KCNQ5: variants seen among roughly 807,000 people sequenced by gnomAD.
KCNQ5 encodes the protein potassium voltage-gated channel subfamily Q member 5, also known as potassium voltage-gated channel subfamily KQT member 5.
Under a neutral mutation model 98.2 loss-of-function variants are expected in KCNQ5, and 30 were observed. That is an observed-to-expected ratio of 0.31 (90% CI 0.23 to 0.41). The LOEUF is 0.41. KCNQ5 is among the 10% of genes least tolerant of loss of function. The pLI, the probability that KCNQ5 is intolerant of heterozygous loss-of-function variation, is 1.00. For synonymous variants in KCNQ5, 458 were observed against 449.4 expected, an observed-to-expected ratio of 1.02 and a Z score of -0.24; for missense variants, 835 against 1,182.5, an observed-to-expected ratio of 0.71 and a Z score of 4.31.
intron 2 of KCNQ5, among the ~76,000 whole-genome samples, chr6:73,036,169 G>A (rs1016707038): frequency 7.2e-5 from 11 of 151,868 alleles, no homozygotes; most frequent in African/African-American, 2.7e-4. Flanking sequence ...GGCAGATCAC[G>A]AGGTCAGGAG....
chr6:73,152,180 G>A (rs1028052319), intron 10 of KCNQ5, among the ~76,000 whole-genome samples: 2 of 151,314 alleles, frequency 1.3e-5, no homozygotes, highest in Non-Finnish European at 2.9e-5. Flanking sequence ...GAAATAGTTC[G>A]TATCCATTCT....
chr6:72,892,994 C>G (rs1006327082), intron 1 of KCNQ5, among the ~76,000 whole-genome samples: 1 of 152,096 alleles, frequency 6.6e-6, no homozygotes, highest in Non-Finnish European at 1.5e-5. Context: ...GGGGAAGAGG[C>G]GGCCATGTTC....
chr6:72,880,209 C>A (rs1778584290), intron 1 of KCNQ5, among the ~76,000 whole-genome samples: 1 of 152,148 alleles, frequency 6.6e-6, no homozygotes, highest in Non-Finnish European at 1.5e-5. Context: ...AATAATATAA[C>A]TAGGTGGCTT....
At chr6:72,834,163 G>T (rs1776405729) in intron 1 of KCNQ5, among the ~76,000 whole-genome samples, 3 of 151,968 alleles carry the variant, frequency 2.0e-5, no homozygotes, top group African/African-American at 7.2e-5. Context: ...AATTTTGGGG[G>T]TGGATACATG....
chr6:72,695,360 G>A (rs964099801), intron 1 of KCNQ5, among the ~76,000 whole-genome samples: 1 of 151,932 alleles, frequency 6.6e-6, no homozygotes, highest in Admixed American at 6.6e-5. Flanking sequence ...GATTTTTTAA[G>A]CTTACTGAAA....
At chr6:72,787,004 CAAAAAAAAAAAAAA>C (rs1045803750) in intron 1 of KCNQ5, among the ~76,000 whole-genome samples, 1 of 50,438 alleles carries the variant, frequency 2.0e-5, no homozygotes, top group Non-Finnish European at 4.5e-5. Context: ...GACTCTGTCT[CAAAAAAAAAAAAAA>C]AAAAAAAAAA....
At chr6:72,738,084 G>A (rs928482055) in intron 1 of KCNQ5, among the ~76,000 whole-genome samples, 8 of 152,168 alleles carry the variant, frequency 5.3e-5, no homozygotes, top group African/African-American at 1.9e-4. Context: ...GAACCCACGA[G>A]GTGGAGCCTG....
chr6:72,986,050 G>A (rs1209580933), intron 1 of KCNQ5, among the ~76,000 whole-genome samples: 1 of 152,128 alleles, frequency 6.6e-6, no homozygotes. Flanking sequence ...CCAACATGGT[G>A]AAAGCCCGTC....
intron 1 of KCNQ5, among the ~76,000 whole-genome samples, chr6:72,933,547 T>C (rs1183445640): frequency 6.6e-6 from 1 of 152,206 alleles, no homozygotes; most frequent in African/African-American, 2.4e-5. Context: ...TAATGATCTG[T>C]CATCTGTCAC....
intron 1 of KCNQ5, among the ~76,000 whole-genome samples, chr6:72,779,237 G>A (rs1773324744): frequency 6.6e-6 from 1 of 152,186 alleles, no homozygotes; most frequent in South Asian, 2.1e-4. Flanking sequence ...GCATTATGAG[G>A]CAGAGTCCTG....
intron 1 of KCNQ5, among the ~76,000 whole-genome samples, chr6:72,743,749 C>T (rs74602053): frequency 0.042 from 6,378 of 152,226 alleles, 417 homozygotes; most frequent in African/African-American, 0.14. Flanking sequence ...TTCTCTTTGA[C>T]GAACTGCGGA....
At chr6:72,645,260 G>A (rs1765534684) in intron 1 of KCNQ5, among the ~76,000 whole-genome samples, 1 of 150,458 alleles carries the variant, frequency 6.6e-6, no homozygotes, top group Non-Finnish European at 1.5e-5. Context: ...GTGGGTGCAT[G>A]CCCTAGTCCT....
intron 1 of KCNQ5, among the ~76,000 whole-genome samples, chr6:72,982,461 A>G (rs781431623): frequency 7.4e-5 from 9 of 121,098 alleles, no homozygotes; most frequent in Non-Finnish European, 1.2e-4. Flanking sequence ...AGTCTGTTTT[A>G]TCAGAGACTA....
At chr6:72,944,694 A>G (rs961617135) in intron 1 of KCNQ5, among the ~76,000 whole-genome samples, 1 of 152,164 alleles carries the variant, frequency 6.6e-6, no homozygotes, top group African/African-American at 2.4e-5. Context: ...GGCTTAAGAA[A>G]ACTGCTTCAG....
At chr6:73,061,853 G>T (rs767750239) in intron 3 of KCNQ5, among the ~76,000 whole-genome samples, 3 of 152,130 alleles carry the variant, frequency 2.0e-5, no homozygotes, top group Non-Finnish European at 4.4e-5. Flanking sequence ...AATCATAAAA[G>T]TGATGTGTTC....
At chr6:72,984,465 G>C (rs1768644469) in intron 1 of KCNQ5, among the ~76,000 whole-genome samples, 1 of 152,206 alleles carries the variant, frequency 6.6e-6, no homozygotes. Context: ...TTTGATCTTG[G>C]ACTGCTGTGC....
At chr6:72,787,004 C>CAAAAAAA (rs1045803750) in intron 1 of KCNQ5, among the ~76,000 whole-genome samples, 91 of 50,360 alleles carry the variant, frequency 1.8e-3, no homozygotes, top group Non-Finnish European at 3.0e-3. Context: ...GACTCTGTCT[C>CAAAAAAA]AAAAAAAAAA....
At chr6:73,091,871 A>G (rs1279948673) in intron 5 of KCNQ5, among the ~76,000 whole-genome samples, 2 of 152,014 alleles carry the variant, frequency 1.3e-5, no homozygotes, top group African/African-American at 4.8e-5. Context: ...GTGAAGAATG[A>G]TGGTGGTATT....
At chr6:72,997,542 G>A (rs752865334) in intron 1 of KCNQ5, among the ~76,000 whole-genome samples, 13 of 151,648 alleles carry the variant, frequency 8.6e-5, no homozygotes, top group Non-Finnish European at 1.6e-4. Flanking sequence ...TTGGGAGGTA[G>A]AGGCGGGCGG....
Sources: gnomAD v4.1 joint callset for allele counts (sites outside exome capture counted in the v4.1 genomes callset) on GRCh38, gnomAD v4.1.1 for gene constraint, MANE v1.5 for transcripts, NCBI Gene and HGNC (gene_info 2026-07-23, HGNC 2026-07-21) for gene names.